The following PMF1 variants were observed in gnomAD, a reference collection of about 807,000 sequenced individuals.
The protein encoded by PMF1 is polyamine modulated factor 1.
A neutral mutation model predicts 26.7 loss-of-function variants in PMF1; 21 were observed. The ratio of observed to expected loss-of-function variants is 0.79; its 90% CI spans 0.56 to 1.13. The LOEUF is 1.13. Ranked by LOEUF, PMF1 falls within the 50% of genes most tolerant of loss-of-function variation. The pLI, the probability that PMF1 is intolerant of heterozygous loss-of-function variation, is 0.00. For missense variants in PMF1, 266 were observed against 254.9 expected, an observed-to-expected ratio of 1.04 and a Z score of -0.30; for synonymous variants, 105 against 101.0, an observed-to-expected ratio of 1.04 and a Z score of -0.24.
rs192784043 is a variant in PMF1, at chr1:156,229,771, C to G, written c.162-2549C>G. On this transcript the variant is annotated intron_variant, in intron 1 of 4. Transcript: ENST00000368277. ...ATTTTTTAGTAGAGACGAGGTTTCT[C>G]CATGTTGGTCAGGCTGGTCCCGAAC... is the stretch of plus-strand genomic sequence containing the variant. Among the ~76,000 whole-genome samples the G allele has an allele frequency of 3.3e-5, 5 of 152,216 alleles. No individual in the cohort carries two copies. The East Asian group carries it at 9.6e-4, about 29-fold the overall frequency.
At chr1:156,216,297 A>G (rs532757843) in intron 1 of PMF1, among the ~76,000 whole-genome samples, 2 of 152,306 alleles carry the variant, frequency 1.3e-5, no homozygotes, top group East Asian at 3.9e-4. Context: ...AGGCTGAAGC[A>G]GGAGAATCGC....
intron 1 of PMF1, 105 bp from the exon 2 acceptor site, chr1:156,232,215 G>A: frequency 1.0e-6 from 1 of 957,082 alleles, no homozygotes; most frequent in South Asian, 1.4e-5. Flanking sequence ...GCCATGAAGT[G>A]GACAGAGCTC....
At chr1:156,238,761 A>AGTGACAAGTGGAAGGCC (rs1160549210) in intron 4 of PMF1, among the ~76,000 whole-genome samples, 4 of 152,176 alleles carry the variant, frequency 2.6e-5, no homozygotes, top group Non-Finnish European at 2.9e-5. Flanking sequence ...GCTGGGAGGC[A>AGTGACAAGTGGAAGGCC]GTGACAAGTG....
chr1:156,225,641 G>C (rs752219133), intron 1 of PMF1: 2 of 1,561,662 alleles, frequency 1.3e-6, no homozygotes, highest in South Asian at 1.2e-5. Context: ...TCAGTTGGGC[G>C]GCGTGCAGGT....
chr1:156,237,972 T>C (rs1659134014), intron 4 of PMF1, among the ~76,000 whole-genome samples: 1 of 152,182 alleles, frequency 6.6e-6, no homozygotes, highest in Non-Finnish European at 1.5e-5. Flanking sequence ...TTCACCATGT[T>C]GGCCAGGCTG....
intron 2 of PMF1, 69 bp downstream of exon 2, chr1:156,232,494 GGCAGTGGCCCCACCCTCTAC>G: frequency 6.7e-7 from 1 of 1,491,078 alleles, no homozygotes; most frequent in South Asian, 1.2e-5. Flanking sequence ...GTCCCCTGAG[GGCAGTGGCCCCACCCTCTAC>G]ACCTCTGTCT....
chr1:156,214,940 C>T (rs1211187511), intron 1 of PMF1, among the ~76,000 whole-genome samples: 2 of 150,888 alleles, frequency 1.3e-5, no homozygotes, highest in Non-Finnish European at 2.9e-5. Context: ...TGCAGTGGCT[C>T]GATCTCGGCT....
At chr1:156,217,681 T>C (rs1052004506) in intron 1 of PMF1, among the ~76,000 whole-genome samples, 18 of 151,754 alleles carry the variant, frequency 1.2e-4, no homozygotes, top group Non-Finnish European at 2.2e-4. Flanking sequence ...TGAGCTGAGA[T>C]TGCGCCACTG....
chr1:156,218,713 C>T (rs201518047), intron 1 of PMF1, among the ~76,000 whole-genome samples: 4 of 151,650 alleles, frequency 2.6e-5, no homozygotes, highest in Admixed American at 6.6e-5. Flanking sequence ...ACCTGGGAGG[C>T]GGAGGTTGCA....
chr1:156,236,657 C>T (rs1659035208), intron 4 of PMF1, 174 bp downstream of exon 4: 1 of 803,802 alleles, frequency 1.2e-6, no homozygotes, highest in South Asian at 1.9e-5. Flanking sequence ...TAGCCTCTGC[C>T]AGCCTCAGCA....
intron 1 of PMF1, among the ~76,000 whole-genome samples, chr1:156,218,636 G>T (rs1323170059): frequency 1.3e-5 from 2 of 151,936 alleles, no homozygotes; most frequent in Non-Finnish European, 2.9e-5. Flanking sequence ...AAAAAAATTA[G>T]CCAGGCATGG....
At chr1:156,234,510 T>A (rs1558196627) in intron 3 of PMF1, among the ~76,000 whole-genome samples, 1 of 147,016 alleles carries the variant, frequency 6.8e-6, no homozygotes, top group South Asian at 2.1e-4. Context: ...ATATTGTTTT[T>A]TTTTTCTATT....
In PMF1 at chr1:156,213,081, T is replaced by C. The variant is rs149077310; in HGVS notation, c.66T>C (p.Ser22=). 1 of 1,614,216 alleles carries C rather than the reference T, an allele frequency of 6.2e-7. No homozygotes were observed. Among genetic ancestry groups the C allele is most frequent in the East Asian group, 2.2e-5 (1 of 44,888 alleles). ...AGGAAAAAAGGCATGAGGGGTCGTCTTCGGAATCTGTGCCACCCGGCACTA... is the reference window on the plus strand; with the variant it reads ...AGGAAAAAAGGCATGAGGGGTCGTCCTCGGAATCTGTGCCACCCGGCACTA... ...GCEEKRHEGS[S]SESVPPGTTI... is the part of the protein sequence containing the mutation. The change falls in exon 1 of 5, where the codon TCT becomes TCC. Residue 22 remains serine, a synonymous_variant. Coordinates refer to ENST00000368277, the MANE Select transcript of PMF1 (RefSeq NM_007221.4).
rs573328595 is a variant in PMF1 at position 156,236,349 on chromosome 1, C to A, written c.430C>A (p.Gln144Lys). ...HSVMAPYFLQ[Q>K]RDTLRRHVQK... Reference sequence around the variant, plus strand: ...TGTTATGGCACCCTACTTCCTGCAGCAACGGGACACCCTGCGGCGCCATGT... The same window carrying A: ...TGTTATGGCACCCTACTTCCTGCAGAAACGGGACACCCTGCGGCGCCATGT... Residue 144 changes from glutamine (Q) to lysine (K), a missense_variant, in exon 4 of 5, where the codon CAA becomes AAA. Physicochemically the swap from Gln to Lys is moderately conservative, Grantham distance 53. Coordinates refer to ENST00000368277, the MANE Select transcript of PMF1 (RefSeq NM_007221.4). The A allele has an allele frequency of 1.2e-6, 2 of 1,614,234 alleles. No homozygotes were observed. The highest frequency in any genetic ancestry group is 1.1e-5 in the South Asian group (1 of 91,088).
At chr1:156,216,759 TTC>T (rs1657753565) in intron 1 of PMF1, among the ~76,000 whole-genome samples, 1 of 151,908 alleles carries the variant, frequency 6.6e-6, no homozygotes, top group South Asian at 2.1e-4. Context: ...GTGTCAGGCG[TTC>T]TCGTCTCCGC....
intron 1 of PMF1, among the ~76,000 whole-genome samples, chr1:156,225,230 G>T (rs1263640465): frequency 6.9e-6 from 1 of 145,816 alleles, no homozygotes; most frequent in Non-Finnish European, 1.5e-5. Context: ...ATGGACAGCC[G>T]TATAGTGAAT....
intron 1 of PMF1, 77 bp downstream of exon 1, chr1:156,213,253 G>T (rs1657485465): frequency 1.9e-6 from 3 of 1,564,468 alleles, no homozygotes; most frequent in African/African-American, 1.4e-5. Flanking sequence ...ACGGCCGCAG[G>T]CTGGCGCGCG....
At position 156,233,808 on chromosome 1, in the gene PMF1, G is replaced by T. The variant is rs1338189350; in HGVS notation, c.368+80G>T. On this transcript the variant is annotated intron_variant, in intron 3 of 4. Coordinates refer to ENST00000368277, the MANE Select transcript of PMF1 (RefSeq NM_007221.4). Reference sequence around the variant, plus strand: ...TTTTTTTTTTTTTTCTAGAGTCAGGGTCTCACTATGTTGGCCAGGCTGGTC... The same window carrying T: ...TTTTTTTTTTTTTTCTAGAGTCAGGTTCTCACTATGTTGGCCAGGCTGGTC... 4 of 1,393,346 alleles carry T rather than the reference G, an allele frequency of 2.9e-6. No homozygotes were observed. In the African/African-American group the frequency reaches 4.4e-5, roughly 15 times the overall value. The allele number at this position is 1,393,346 out of a possible 1,614,324, so 86.3% of individuals were successfully genotyped here. A position where few individuals can be genotyped will look rare whatever the true frequency, so the allele number is the denominator to read the frequency against.
chr1:156,224,514 C>T (rs568824114), intron 1 of PMF1, among the ~76,000 whole-genome samples: 26 of 152,206 alleles, frequency 1.7e-4, no homozygotes, highest in Non-Finnish European at 3.4e-4. Context: ...CAGTGGCTCA[C>T]GCCTGTAATC....
Sources: gnomAD v4.1 joint callset for allele counts (sites outside exome capture counted in the v4.1 genomes callset) on GRCh38, gnomAD v4.1.1 for gene constraint, MANE v1.5 for transcripts, NCBI Gene and HGNC (gene_info 2026-07-23, HGNC 2026-07-21) for gene names.